Variants in ATP11B observed in about 807,000 individuals in gnomAD.
ATP11B encodes ATPase phospholipid transporting 11B (putative).
A neutral mutation model predicts 157.8 loss-of-function variants in ATP11B; 81 were observed. That is an observed-to-expected ratio of 0.51 (90% CI 0.43 to 0.62). The LOEUF (loss-of-function observed/expected upper bound fraction) is 0.62, where lower values mean the gene tolerates loss of function less well. ATP11B is among the 20% of genes least tolerant of loss of function. The probability of loss-of-function intolerance (pLI) is 0.00; values close to 1 mark genes in which losing one functional copy is unlikely to be tolerated. For missense variants in ATP11B, 1,165 were observed against 1,402.2 expected, an observed-to-expected ratio of 0.83 and a Z score of 2.70; for synonymous variants, 451 against 469.4, an observed-to-expected ratio of 0.96 and a Z score of 0.51.
rs1339519778 is a variant in ATP11B, at chr3:182,793,590, C to G, written c.-170C>G. 3 of 388,124 alleles carry G rather than the reference C, an allele frequency of 7.7e-6. No individual in the cohort carries two copies. Among genetic ancestry groups the G allele is most frequent in the Non-Finnish European group, 1.4e-5 (3 of 221,760 alleles). 24.0% of individuals were successfully genotyped at this position (388,124 alleles called of 1,614,324 possible). ...GGGCCGCGCCTGTAGGACTCGGGGC[C>G]GACGCCGCGGGATGGGGACGCGGCG... On this transcript the variant is annotated 5_prime_UTR_variant, in exon 1 of 30. Coordinates refer to ENST00000323116, the MANE Select transcript of ATP11B (RefSeq NM_014616.3).
chr3:182,916,633 C>T, intron 29 of ATP11B: 1 of 983,742 alleles, frequency 1.0e-6, no homozygotes, highest in Admixed American at 6.2e-5. Flanking sequence ...AAACTATCTT[C>T]TAAATAGAAA....
chr3:182,863,200 G>A (rs1385879554), intron 12 of ATP11B, among the ~76,000 whole-genome samples: 1 of 152,004 alleles, frequency 6.6e-6, no homozygotes, highest in African/African-American at 2.4e-5. Context: ...CACCGCGCCT[G>A]GCCAATCCAT....
intron 10 of ATP11B, among the ~76,000 whole-genome samples, chr3:182,849,332 A>G (rs1300574931): frequency 6.6e-6 from 1 of 152,214 alleles, no homozygotes; most frequent in Admixed American, 6.5e-5. Context: ...TCTGAGGAAC[A>G]TAAAAGAATA....
At chr3:182,794,685 C>G (rs558226090) in intron 1 of ATP11B, among the ~76,000 whole-genome samples, 37 of 152,298 alleles carry the variant, frequency 2.4e-4, no homozygotes, top group Non-Finnish European at 4.4e-4. Flanking sequence ...AAAATCTTAT[C>G]TGCCTCCTGG....
At chr3:182,824,264 A>G (rs1399645044) in intron 2 of ATP11B, among the ~76,000 whole-genome samples, 1 of 152,178 alleles carries the variant, frequency 6.6e-6, no homozygotes, top group African/African-American at 2.4e-5. Flanking sequence ...TCTGACAATC[A>G]GTATTTTCCC....
intron 1 of ATP11B, among the ~76,000 whole-genome samples, chr3:182,806,828 G>T (rs1482044106): frequency 2.0e-5 from 3 of 152,040 alleles, no homozygotes; most frequent in African/African-American, 2.4e-5. Context: ...TTCTTTCAAA[G>T]GTGGGAGCAA....
chr3:182,804,961 A>T (rs970284019), intron 1 of ATP11B, among the ~76,000 whole-genome samples: 3 of 152,066 alleles, frequency 2.0e-5, no homozygotes, highest in Non-Finnish European at 2.9e-5. Context: ...TCACTACTTC[A>T]TTTCTTTTTA....
intron 10 of ATP11B, among the ~76,000 whole-genome samples, chr3:182,853,605 T>G (rs1403138670): frequency 6.6e-6 from 1 of 152,246 alleles, no homozygotes; most frequent in Non-Finnish European, 1.5e-5. Context: ...GAATAAGTTT[T>G]TTTTTAACTT....
At chr3:182,831,397 A>G (rs1030273160) in intron 4 of ATP11B, among the ~76,000 whole-genome samples, 6 of 152,082 alleles carry the variant, frequency 3.9e-5, no homozygotes, top group Admixed American at 1.3e-4. Flanking sequence ...TTACTCTCCT[A>G]TGGTTTTCAC....
chr3:182,866,147 T>G (rs1239078150), intron 13 of ATP11B, 121 bp from the exon 14 acceptor site: 7 of 707,396 alleles, frequency 9.9e-6, no homozygotes, highest in Non-Finnish European at 1.5e-5. Context: ...AACAACCAAC[T>G]GTTATTCAGG....
intron 6 of ATP11B, 153 bp downstream of exon 6, chr3:182,836,623 A>G (rs1325109261): frequency 3.4e-6 from 3 of 870,984 alleles, no homozygotes; most frequent in Non-Finnish European, 5.1e-6. Context: ...TTTAAGAAAG[A>G]ATTGATGTTA....
chr3:182,914,508 C>CT (rs1725015832), intron 29 of ATP11B: 1 of 985,264 alleles, frequency 1.0e-6, no homozygotes, highest in African/African-American at 1.7e-5. Flanking sequence ...GCTCCCCTAC[C>CT]TCTTCTTATG....
At chr3:182,914,635 T>G in intron 29 of ATP11B, 1 of 985,428 alleles carries the variant, frequency 1.0e-6, no homozygotes, top group Middle Eastern at 5.2e-4. Context: ...AGTAAAAGAA[T>G]CTTAGCATTT....
chr3:182,870,982 C>A (rs140547621), intron 17 of ATP11B, among the ~76,000 whole-genome samples: 2 of 149,054 alleles, frequency 1.3e-5, no homozygotes, highest in East Asian at 4.0e-4. Context: ...ATTTTTAAGT[C>A]TACGCTTTCC....
intron 27 of ATP11B, 56 bp downstream of exon 27, chr3:182,897,462 T>C (rs1352674106): frequency 1.7e-6 from 2 of 1,204,180 alleles, no homozygotes; most frequent in Non-Finnish European, 2.4e-6. Flanking sequence ...AAACATTTAT[T>C]GTGATAGGTT....
intron 2 of ATP11B, among the ~76,000 whole-genome samples, chr3:182,821,447 T>C (rs11709141): frequency 0.72 from 109,048 of 152,106 alleles, 39,571 homozygotes; most frequent in Non-Finnish European, 0.78. Flanking sequence ...TGCTTTAAAG[T>C]CTGCTTCCTC....
intron 27 of ATP11B, among the ~76,000 whole-genome samples, chr3:182,897,754 T>C (rs560977781): frequency 2.0e-5 from 3 of 152,064 alleles, no homozygotes; most frequent in Non-Finnish European, 4.4e-5. Context: ...AGTTATATTA[T>C]GTATTAATGT....
At chr3:182,877,421 C>A (rs937277833) in intron 19 of ATP11B, among the ~76,000 whole-genome samples, 2 of 152,198 alleles carry the variant, frequency 1.3e-5, no homozygotes, top group Non-Finnish European at 2.9e-5. Flanking sequence ...GAAGGCAGAT[C>A]ACTTGAGTCT....
At chr3:182,839,401 A>G (rs1718818189) in intron 7 of ATP11B, among the ~76,000 whole-genome samples, 2 of 152,274 alleles carry the variant, frequency 1.3e-5, no homozygotes, top group South Asian at 2.1e-4. Context: ...CTATATAACA[A>G]ACCTGCACAT....
Sources: allele counts gnomAD v4.1 joint callset (sites outside exome capture counted in the v4.1 genomes callset), GRCh38; gene constraint gnomAD v4.1.1; transcripts MANE v1.5; gene names NCBI Gene and HGNC (gene_info 2026-07-23, HGNC 2026-07-21).